Variants in ATP9A observed in about 807,000 individuals in gnomAD.
ATP9A encodes the protein probable phospholipid-transporting ATPase IIA.
In ATP9A, 52 loss-of-function variants were observed where a neutral mutation model predicts 144.1. The ratio of observed to expected loss-of-function variants is 0.36; its 90% CI spans 0.29 to 0.45. ATP9A has a LOEUF of 0.45. ATP9A is among the 20% of genes least tolerant of loss of function. The pLI is 1.00. For synonymous variants in ATP9A, 582 were observed against 557.4 expected (o/e 1.04, Z -0.62); for missense variants, 947 against 1,392.7 (o/e 0.68, Z 5.09).
chr20:51,704,182 TAAAAAAA>T (rs11086355), intron 4 of ATP9A, among the ~76,000 whole-genome samples: 4 of 130,516 alleles, frequency 3.1e-5, no homozygotes, highest in African/African-American at 1.1e-4. Flanking sequence ...AGTGGGAACT[TAAAAAAA>T]AAAAAAAAAA....
At chr20:51,713,668 C>A (rs775992611) in intron 3 of ATP9A, among the ~76,000 whole-genome samples, 2 of 152,180 alleles carry the variant, frequency 1.3e-5, no homozygotes, top group African/African-American at 4.8e-5. Context: ...TAAGAGGGAC[C>A]ACCAGGCAAC....
At chr20:51,603,092 C>T (rs1000123320) in intron 27 of ATP9A, among the ~76,000 whole-genome samples, 7 of 152,050 alleles carry the variant, frequency 4.6e-5, no homozygotes, top group African/African-American at 1.7e-4. Flanking sequence ...AAGTTTCCCC[C>T]AGAGAGAGTC....
At chr20:51,741,524 C>T (rs1568843928) in intron 1 of ATP9A, among the ~76,000 whole-genome samples, 1 of 151,950 alleles carries the variant, frequency 6.6e-6, no homozygotes, top group Non-Finnish European at 1.5e-5. Flanking sequence ...TTGCAGTGAG[C>T]CGAGATCACA....
intron 14 of ATP9A, among the ~76,000 whole-genome samples, chr20:51,651,255 A>AATATATTATATATATTTACATT (rs2077363878): frequency 1.3e-5 from 1 of 76,912 alleles, no homozygotes; most frequent in South Asian, 5.5e-4. Context: ...ATATTTACAT[A>AATATATTATATATATTTACATT]ATATATTATA....
chr20:51,767,351 G>A (rs1273169419), intron 1 of ATP9A, among the ~76,000 whole-genome samples: 1 of 152,150 alleles, frequency 6.6e-6, no homozygotes, highest in African/African-American at 2.4e-5. Context: ...TGATTGGCGG[G>A]TCTAGGCGGG....
rs11477336 is a variant in ATP9A, at chr20:51,658,888, CGGG to C, written c.1294-1741_1294-1739del. On this transcript the variant is annotated intron_variant, in intron 13 of 27. Transcript: ENST00000338821. ...ATATAATGAAAATTAAGACCACTGG[CGGG>C]GGGGGGGGGGGGAAGGCTCATTGTT... 9.3e-4 allele frequency among the ~76,000 whole-genome samples: 51 copies of C among 54,848 alleles called. 5 individuals are homozygous for C. Among genetic ancestry groups the C allele is most frequent in the Middle Eastern group, 8.3e-3 (1 of 120 alleles). 36.0% of individuals were successfully genotyped at this position (54,848 alleles called of 152,430 possible).
chr20:51,639,542 C>A (rs576873777), intron 14 of ATP9A, 38 bp from the exon 15 acceptor site: 3 of 1,570,498 alleles, frequency 1.9e-6, no homozygotes, highest in South Asian at 1.2e-5. Flanking sequence ...GATGCCCAGC[C>A]GAGAATCTGG....
intron 1 of ATP9A, among the ~76,000 whole-genome samples, chr20:51,753,477 ACAAC>A (rs2077841795): frequency 6.6e-6 from 1 of 151,498 alleles, no homozygotes; most frequent in African/African-American, 2.4e-5. Context: ...AACAACAACA[ACAAC>A]AACAACAAAC....
chr20:51,685,581 A>AAAAAGAAAAAAG (rs1555836640), intron 9 of ATP9A, among the ~76,000 whole-genome samples: 1 of 150,090 alleles, frequency 6.7e-6, no homozygotes, highest in African/African-American at 2.5e-5. Context: ...AAAGAAAAGA[A>AAAAAGAAAAAAG]AAAAGAAAAG....
chr20:51,687,302 G>A (rs2077527416), intron 9 of ATP9A, among the ~76,000 whole-genome samples: 1 of 152,090 alleles, frequency 6.6e-6, no homozygotes, highest in African/African-American at 2.4e-5. Context: ...GCAGGCAGTG[G>A]AAATAAAATG....
At chr20:51,641,685 G>A (rs1017587737) in intron 14 of ATP9A, among the ~76,000 whole-genome samples, 37 of 151,608 alleles carry the variant, frequency 2.4e-4, no homozygotes, top group Admixed American at 2.0e-4. Flanking sequence ...TAAAAAATAA[G>A]CTGGGCGTGG....
chr20:51,624,756 T>C (rs1250581701), intron 18 of ATP9A, among the ~76,000 whole-genome samples: 3 of 152,000 alleles, frequency 2.0e-5, no homozygotes, highest in Non-Finnish European at 4.4e-5. Flanking sequence ...CCTGTAATCC[T>C]AGCACTTCGG....
rs193271150 is a variant in ATP9A at position 51,748,912 on chromosome 20, T to C, written c.69-18934A>G. Among the ~76,000 whole-genome samples the C allele has an allele frequency of 3.1e-4, 35 of 112,584 alleles. No individual in the cohort carries two copies. In the East Asian group the frequency reaches 6.3e-3, roughly 20 times the overall value. The allele number at this position is 112,584 out of a possible 152,430, so 73.9% of individuals were successfully genotyped here. A position where few individuals can be genotyped will look rare whatever the true frequency, so the allele number is the denominator to read the frequency against. ...GGTGACAGCGCCTCTAAAGATTAGA[T>C]AGATAGATAGATAGATAGATAGATA... On this transcript the variant is annotated intron_variant, in intron 1 of 27. Coordinates refer to ENST00000338821, the MANE Select transcript of ATP9A (RefSeq NM_006045.3).
intron 18 of ATP9A, among the ~76,000 whole-genome samples, chr20:51,624,517 A>G (rs2077239819): frequency 6.6e-6 from 1 of 152,060 alleles, no homozygotes; most frequent in Non-Finnish European, 1.5e-5. Flanking sequence ...GATGGCGCTG[A>G]CGGTCACTCT....
At chr20:51,767,920 C>G (rs2077912459) in intron 1 of ATP9A, among the ~76,000 whole-genome samples, 1 of 152,216 alleles carries the variant, frequency 6.6e-6, no homozygotes, top group Non-Finnish European at 1.5e-5. Flanking sequence ...TGACACTGAC[C>G]AAATTGTTAC....
chr20:51,653,251 C>T (rs1365119257), intron 14 of ATP9A, among the ~76,000 whole-genome samples: 1 of 151,532 alleles, frequency 6.6e-6, no homozygotes, highest in Non-Finnish European at 1.5e-5. Flanking sequence ...AAGTGCAATT[C>T]ATCCACAGAA....
intron 4 of ATP9A, among the ~76,000 whole-genome samples, chr20:51,710,409 T>C (rs2077632902): frequency 6.6e-6 from 1 of 152,184 alleles, no homozygotes; most frequent in African/African-American, 2.4e-5. Flanking sequence ...GTGAAGATGG[T>C]GAAGTTTTTG....
Position 51,657,098 on chromosome 20 carries a change from C to T in ATP9A, c.1346G>A (p.Arg449Gln), listed in dbSNP as rs558607338. ...GTGCACGCGGCTGCTCATGGTCCGC[C>T]GGACCTTAGTGGTGAGCGTTGGGCC... is the stretch of plus-strand genomic sequence containing the variant. ...QKGPTLTTKV[R>Q]RTMSSRVHEA... is the part of the protein sequence containing the mutation. Residue 449 changes from arginine to glutamine, a missense_variant, in exon 14 of 28, where the codon CGG becomes CAG. By Grantham distance (43) the Arg-to-Gln change is conservative (BLOSUM62 1). This residue lies in a region of ATP9A where 770 missense variants were observed against 1,047.9 expected (regional missense o/e 0.73). Coordinates refer to ENST00000338821, the MANE Select transcript of ATP9A (RefSeq NM_006045.3). 5.0e-6 allele frequency: 8 copies of T among 1,614,032 alleles called. No individual in the cohort carries two copies. The highest frequency in any genetic ancestry group is 1.7e-5 in the Admixed American group (1 of 60,002).
intron 19 of ATP9A, among the ~76,000 whole-genome samples, chr20:51,620,514 A>G (rs1016384086): frequency 1.3e-5 from 2 of 152,112 alleles, no homozygotes; most frequent in African/African-American, 4.8e-5. Flanking sequence ...ACCTGGATTC[A>G]TTAACATTGA....
Sources: allele counts gnomAD v4.1 joint callset (sites outside exome capture counted in the v4.1 genomes callset), GRCh38; gene constraint gnomAD v4.1.1; regional missense constraint gnomAD v4.1.1; transcripts MANE v1.5; gene names NCBI Gene and HGNC (gene_info 2026-07-23, HGNC 2026-07-21).